The following SYVN1 variants were observed in gnomAD, a reference collection of about 807,000 sequenced individuals.
SYVN1 encodes E3 ubiquitin-protein ligase synoviolin.
A neutral mutation model predicts 62.6 loss-of-function variants in SYVN1; 17 were observed. The observed-to-expected ratio is 0.27, with a 90% confidence interval of 0.19 to 0.41. SYVN1 has a LOEUF of 0.41. Ranked by LOEUF, SYVN1 falls within the 10% of genes least tolerant of loss-of-function variation. The pLI is 1.00. For synonymous variants in SYVN1, 316 were observed against 304.0 expected, an observed-to-expected ratio of 1.04 and a Z score of -0.41; for missense variants, 634 against 818.0, an observed-to-expected ratio of 0.78 and a Z score of 2.74.
In SYVN1 at chr11:65,133,012, C is replaced by T. The variant is rs1202208555; in HGVS notation, c.288G>A (p.Arg96=). Residue 96 remains arginine, a synonymous_variant, in exon 4 of 16, where the codon CGG becomes CGA. Transcript: ENST00000377190. The stretch of plus-strand genomic sequence containing the variant: ...CAACAAAGCGGGGGCTGAAGTCATC[C>T]CGAAAAACGGTGAAGGCCAGACAAG... ...TETCLAFTVF[R]DDFSPRFVAL... The T allele has an allele frequency of 1.2e-6, 2 of 1,614,070 alleles. No individual in the cohort carries two copies. Among genetic ancestry groups the T allele is most frequent in the African/African-American group, 2.7e-5 (2 of 74,926 alleles).
At position 65,130,682 on chromosome 11, in the gene SYVN1, T is replaced by G. The variant is rs759789523; in HGVS notation, c.1083A>C (p.Pro361=). 7.0e-5 allele frequency: 34 copies of G among 487,380 alleles called. No homozygotes were observed. The highest frequency in any genetic ancestry group is 4.3e-4 in the African/African-American group (6 of 13,870). The allele number at this position is 487,380 out of a possible 1,614,324, so 30.2% of individuals were successfully genotyped here. Residue 361 remains proline (P), a synonymous_variant, in exon 11 of 16, where the codon CCA becomes CCC. Transcript: ENST00000377190. ...QGPPPAPHPP[P]LLPQPPNFPQ... ...CACAGTTGGGGGGCTGAGGCAAGAG[T>G]GGTGGGGGGTGGGGGGCAGGGGGTG... is the stretch of plus-strand genomic sequence containing the variant.
intron 6 of SYVN1, 151 bp downstream of exon 6, chr11:65,132,097 T>TAGATCTC: frequency 1.4e-6 from 1 of 693,868 alleles, no homozygotes; most frequent in Admixed American, 2.0e-5. Flanking sequence ...AGTGAGCGTG[T>TAGATCTC]GGAGGGCAGG....
Position 65,131,465 on chromosome 11 carries a change from C to G in SYVN1, c.658+5G>C. Reference sequence around the variant, plus strand: ...CAGATCAGGAGAGGCCCAGGCCCCTCTCACCTGTAAACAGCTCTGTGTAGA... The same window carrying G: ...CAGATCAGGAGAGGCCCAGGCCCCTGTCACCTGTAAACAGCTCTGTGTAGA... On this transcript the variant is annotated splice_donor_5th_base_variant and intron_variant, in intron 7 of 15. Transcript: ENST00000377190. The G allele has an allele frequency of 6.2e-7, 1 of 1,614,092 alleles. No individual in the cohort carries two copies. Among genetic ancestry groups the G allele is most frequent in the Middle Eastern group, 1.6e-4 (1 of 6,062 alleles).
chr11:65,133,380 T>TA (rs888171351), intron 2 of SYVN1, 90 bp downstream of exon 2: 31 of 1,586,102 alleles, frequency 2.0e-5, no homozygotes, highest in Middle Eastern at 1.7e-4. Context: ...GCTACTTCCC[T>TA]ACTTACCTGA....
intron 6 of SYVN1, 25 bp downstream of exon 6, chr11:65,132,221 CCT>C: frequency 1.9e-6 from 3 of 1,571,720 alleles, no homozygotes; most frequent in Non-Finnish European, 1.8e-6. Context: ...TCGGGCTTGT[CCT>C]CTCAACCTCC....
Position 65,128,658 on chromosome 11 carries a change from A to G in SYVN1, c.1652T>C (p.Val551Ala), listed in dbSNP as rs139920740. 96 of 1,613,884 alleles carry G rather than the reference A, an allele frequency of 5.9e-5. 1 individual carries two copies. The highest frequency in any genetic ancestry group is 3.3e-4 in the Middle Eastern group (2 of 6,082). Residue 551 changes from valine to alanine, a missense_variant, in exon 15 of 16, where the codon GTT (valine) becomes GCT (alanine). By Grantham distance (64) the Val-to-Ala change is moderately conservative. Coordinates refer to ENST00000377190, the MANE Select transcript of SYVN1 (RefSeq NM_172230.3). ...GATGCTGGTGGAGGAGGCAGCAGCA[A>G]CAACTGTAGTGGCAGTCTCCTCAGT... ...NSTEETATTV[V>A]AAASSTSIPS...
intron 2 of SYVN1, 88 bp downstream of exon 2, chr11:65,133,382 C>G: frequency 6.3e-7 from 1 of 1,586,650 alleles, no homozygotes; most frequent in Non-Finnish European, 8.6e-7. Flanking sequence ...TACTTCCCTA[C>G]TTACCTGACC....
rs548109030 is a variant in SYVN1 at position 65,130,841 on chromosome 11, G to A, written c.942-18C>T. 3.1e-6 allele frequency: 5 copies of A among 1,590,796 alleles called. No homozygotes were observed. In the South Asian group the frequency reaches 4.5e-5, roughly 14 times the overall value. On this transcript the variant is annotated intron_variant, in intron 10 of 15. Transcript: ENST00000377190. ...GCAGGCAGCTGCGGGTCAAGGCCAG[G>A]CAGAGGTCAGCAGGTCCCTAGGGGC... is the stretch of plus-strand genomic sequence containing the variant.
chr11:65,130,553 C>A, intron 11 of SYVN1, 107 bp downstream of exon 11: 2 of 1,437,622 alleles, frequency 1.4e-6, no homozygotes, highest in East Asian at 2.4e-5. Flanking sequence ...CTGGCCCAGA[C>A]TGAGATTCTG....
rs1469612750 is a variant in SYVN1 at position 65,127,491 on chromosome 11, C to G, written c.*891G>C. The G allele has an allele frequency of 6.3e-6, 1 of 159,988 alleles. No homozygotes were observed. The highest frequency in any genetic ancestry group is 2.4e-5 in the African/African-American group (1 of 41,748). 9.9% of individuals were successfully genotyped at this position (159,988 alleles called of 1,614,324 possible). ...AACTGGAAAGACCAGGAGTCTGGCA[C>G]TCCTGTTCCTCTTTCCCGGGATTAA... On this transcript the variant is annotated 3_prime_UTR_variant, in exon 16 of 16. Transcript: ENST00000377190.
In SYVN1 at chr11:65,128,148, G is replaced by T. The variant is rs1045235737; in HGVS notation, c.*234C>A. The T allele has an allele frequency of 3.4e-6, 2 of 593,766 alleles. No individual in the cohort carries two copies. Among genetic ancestry groups the T allele is most frequent in the African/African-American group, 3.7e-5 (2 of 53,634 alleles). The allele number at this position is 593,766 out of a possible 1,614,324, so 36.8% of individuals were successfully genotyped here. On this transcript the variant is annotated 3_prime_UTR_variant, in exon 16 of 16. Coordinates refer to ENST00000377190, the MANE Select transcript of SYVN1 (RefSeq NM_172230.3). ...CATGGCCCCAGCAGAACACAGGGCT[G>T]AAGAGTTGGAGAGGAAGGCTGGAAC...
In SYVN1 at chr11:65,130,840, G is replaced by T; in HGVS notation, c.942-17C>A. ...CGCAGGCAGCTGCGGGTCAAGGCCA[G>T]GCAGAGGTCAGCAGGTCCCTAGGGG... On this transcript the variant is annotated splice_polypyrimidine_tract_variant and intron_variant, in intron 10 of 15. Coordinates refer to ENST00000377190, the MANE Select transcript of SYVN1 (RefSeq NM_172230.3). The T allele has an allele frequency of 6.3e-7, 1 of 1,591,042 alleles. No homozygotes were observed.
rs1948120430 is a variant in SYVN1 at position 65,127,789 on chromosome 11, C to T, written c.*593G>A. 1 of 154,014 alleles carries T rather than the reference C, an allele frequency of 6.5e-6. No individual in the cohort carries two copies. The highest frequency in any genetic ancestry group is 1.4e-5 in the Non-Finnish European group (1 of 69,100). The allele number at this position is 154,014 out of a possible 1,614,324, so 9.5% of individuals were successfully genotyped here. A position where few individuals can be genotyped will look rare whatever the true frequency, so the allele number is the denominator to read the frequency against. On this transcript the variant is annotated 3_prime_UTR_variant, in exon 16 of 16. Transcript: ENST00000377190. ...TCCCTCAGTGCTGCCCGCCTGCACCCCCACTCCCAGGCATTCCTTTCCCTG... is the reference window on the plus strand; with the variant it reads ...TCCCTCAGTGCTGCCCGCCTGCACCTCCACTCCCAGGCATTCCTTTCCCTG...
At chr11:65,131,092 G>C (rs1490781205) in intron 9 of SYVN1, 40 bp downstream of exon 9, 1 of 1,613,838 alleles carries the variant, frequency 6.2e-7, no homozygotes, top group Non-Finnish European at 8.5e-7. Flanking sequence ...GAGGGACCCA[G>C]GACCGAGCTT....
rs541516660 is a variant in SYVN1, at chr11:65,127,900, G to A, written c.*482C>T. 305 of 168,556 alleles carry A rather than the reference G, an allele frequency of 1.8e-3. 2 individuals are homozygous for A. Among genetic ancestry groups the A allele is most frequent in the Non-Finnish European group, 3.2e-3 (252 of 78,026 alleles). The allele number at this position is 168,556 out of a possible 1,614,324, so 10.4% of individuals were successfully genotyped here. ...CCACAAGAGGCTTCTGGGGAGATCA[G>A]GGTAAGAAAAGGAAATGGGTACCAG... On this transcript the variant is annotated 3_prime_UTR_variant, in exon 16 of 16. Transcript: ENST00000377190.
chr11:65,130,583 T>C (rs1948164518), intron 11 of SYVN1, 77 bp downstream of exon 11: 2 of 1,468,908 alleles, frequency 1.4e-6, no homozygotes, highest in Admixed American at 2.7e-5. Flanking sequence ...GACTCTCCAA[T>C]TTCCCAGCAT....
In SYVN1 at chr11:65,130,339, G is replaced by C. The variant is rs373634951; in HGVS notation, c.1146C>G (p.Phe382Leu). 6.4e-7 allele frequency: 1 copy of C among 1,563,758 alleles called. No homozygotes were observed. The highest frequency in any genetic ancestry group is 1.4e-5 in the African/African-American group (1 of 73,092). The part of the protein sequence containing the change: ...GLLPPFPPGM[F>L]PLWPPMGPFP... ...AGGGGCCCATGGGGGGCCACAGTGG[G>C]AACATGCCTGGAGGAAAAGGAGGCA... Residue 382 changes from phenylalanine (F) to leucine (L), a missense_variant, in exon 12 of 16, where the codon TTC becomes TTG. Physicochemically the swap from Phe to Leu is conservative, Grantham distance 22. Coordinates refer to ENST00000377190, the MANE Select transcript of SYVN1 (RefSeq NM_172230.3).
chr11:65,129,975 A>G, intron 13 of SYVN1, 27 bp downstream of exon 13: 1 of 1,599,132 alleles, frequency 6.3e-7, no homozygotes, highest in Non-Finnish European at 8.5e-7. Context: ...CACCCCCAAG[A>G]AGAACCCAGA....
At chr11:65,133,389 G>T in intron 2 of SYVN1, 81 bp downstream of exon 2, 2 of 1,590,308 alleles carry the variant, frequency 1.3e-6, no homozygotes, top group South Asian at 1.1e-5. Flanking sequence ...CTACTTACCT[G>T]ACCTCTAGCC....
Sources: gnomAD v4.1 joint callset for allele counts on GRCh38, gnomAD v4.1.1 for gene constraint, MANE v1.5 for transcripts, NCBI Gene and HGNC (gene_info 2026-07-23, HGNC 2026-07-21) for gene names.